The following MKNK1 variants were observed in gnomAD, a reference collection of about 807,000 sequenced individuals.
MKNK1 encodes MAPK interacting serine/threonine kinase 1, also known as MAP kinase-interacting serine/threonine-protein kinase 1.
A neutral mutation model predicts 49.3 loss-of-function variants in MKNK1; 30 were observed. The observed-to-expected ratio is 0.61, with a 90% CI of 0.46 to 0.83. The LOEUF (loss-of-function observed/expected upper bound fraction) is 0.83. Among genes scored for constraint, MKNK1 ranks in the 40% least tolerant of loss-of-function variants. MKNK1 has a pLI of 0.00. For missense variants in MKNK1, 423 were observed against 524.7 expected, an observed-to-expected ratio of 0.81 and a Z score of 1.89; for synonymous variants, 176 against 201.7, an observed-to-expected ratio of 0.87 and a Z score of 1.08.
At chr1:46,577,854 A>C (rs1213730439) in intron 4 of MKNK1, among the ~76,000 whole-genome samples, 3 of 152,278 alleles carry the variant, frequency 2.0e-5, no homozygotes, top group Non-Finnish European at 4.4e-5. Context: ...CCTGTGAGCA[A>C]ATCTGCAGAG....
intron 6 of MKNK1, chr1:46,574,148 GA>G (rs943437855): frequency 2.0e-5 from 3 of 152,208 alleles, no homozygotes; most frequent in African/African-American, 7.2e-5. Context: ...CATTTCACAT[GA>G]ATTATCTCAT....
At chr1:46,573,621 T>G (rs1670525466) in intron 6 of MKNK1, 1 of 152,124 alleles carries the variant, frequency 6.6e-6, no homozygotes. Context: ...CCCAATGTGC[T>G]AGGGAACATT....
intron 7 of MKNK1, among the ~76,000 whole-genome samples, chr1:46,570,997 G>A (rs1557845431): frequency 1.3e-5 from 2 of 152,158 alleles, no homozygotes; most frequent in African/African-American, 4.8e-5. Context: ...AGAACACATA[G>A]CTAGAAGAAA....
At chr1:46,582,842 G>A in intron 3 of MKNK1, 2 of 469,180 alleles carry the variant, frequency 4.3e-6, no homozygotes, top group Non-Finnish European at 8.5e-6. Context: ...TTGCGGCCAT[G>A]GCCTTTGGTG....
intron 2 of MKNK1, among the ~76,000 whole-genome samples, chr1:46,587,599 C>T (rs1280605450): frequency 2.0e-5 from 3 of 152,274 alleles, no homozygotes; most frequent in African/African-American, 4.8e-5. Flanking sequence ...AGGCAGATCA[C>T]CTGAGGTTGG....
intron 1 of MKNK1, 30 bp downstream of exon 1, chr1:46,604,155 G>C (rs1377917279): frequency 4.6e-5 from 7 of 152,258 alleles, no homozygotes; most frequent in Non-Finnish European, 1.5e-5. Flanking sequence ...CATTTAGCTC[G>C]GAGGAATACC....
intron 7 of MKNK1, chr1:46,571,478 G>T (rs756440954): frequency 3.5e-5 from 14 of 396,768 alleles, no homozygotes; most frequent in South Asian, 2.5e-4. Context: ...GGGAGGTTGG[G>T]GCTGCAGTGA....
chr1:46,597,982 G>A (rs1037204961), intron 1 of MKNK1, among the ~76,000 whole-genome samples: 39 of 152,204 alleles, frequency 2.6e-4, no homozygotes, highest in South Asian at 4.1e-4. Context: ...CTGTTTAGCC[G>A]GGAGAAGAGA....
chr1:46,599,964 TTC>T (rs1674528743), intron 1 of MKNK1, among the ~76,000 whole-genome samples: 9 of 152,060 alleles, frequency 5.9e-5, no homozygotes. Context: ...GGCTTACTTC[TTC>T]TCCTCACCAA....
intron 8 of MKNK1, among the ~76,000 whole-genome samples, chr1:46,567,435 A>G (rs569003071): frequency 6.6e-6 from 1 of 152,356 alleles, no homozygotes; most frequent in East Asian, 1.9e-4. Context: ...CATAAACACT[A>G]AATAAATATA....
intron 5 of MKNK1, 159 bp downstream of exon 5, chr1:46,576,416 C>T (rs898568766): frequency 8.2e-6 from 5 of 607,962 alleles, no homozygotes; most frequent in Non-Finnish European, 5.9e-6. Flanking sequence ...GCTGCTTTTC[C>T]TTTCTCTCCC....
Position 46,562,783 on chromosome 1 carries a change from A to C in MKNK1, c.670T>G (p.Phe224Val), listed in dbSNP as rs969102813. Residue 224 changes from phenylalanine to valine, a missense_variant, in exon 10 of 13, where the codon TTC becomes GTC. Physicochemically the swap from Phe to Val is conservative, Grantham distance 50. Transcript: ENST00000371945. ...CACAGGTCACAGCGCTTGTCGTAGA[A>C]TGTGGCCTGGTCCGTGAAGACCTCC... is the stretch of plus-strand genomic sequence containing the variant. ...VVEVFTDQAT[F>V]YDKRCDLWSL... 1 of 1,612,448 alleles carries C rather than the reference A, an allele frequency of 6.2e-7. No homozygotes were observed. Among genetic ancestry groups the C allele is most frequent in the African/African-American group, 1.3e-5 (1 of 74,888 alleles).
intron 8 of MKNK1, among the ~76,000 whole-genome samples, chr1:46,567,385 A>G (rs550616572): frequency 2.0e-5 from 3 of 152,352 alleles, no homozygotes; most frequent in African/African-American, 7.2e-5. Context: ...TTCCTCGTCC[A>G]TAAAATGAAG....
intron 2 of MKNK1, among the ~76,000 whole-genome samples, chr1:46,586,462 T>C (rs1672585612): frequency 1.3e-5 from 2 of 152,190 alleles, no homozygotes; most frequent in Non-Finnish European, 2.9e-5. Context: ...GCACTGATTT[T>C]ATTTGGCCTT....
chr1:46,564,260 C>T (rs1668599909), intron 9 of MKNK1, among the ~76,000 whole-genome samples: 1 of 151,792 alleles, frequency 6.6e-6, no homozygotes, highest in South Asian at 2.1e-4. Context: ...TGAGACCTCA[C>T]AGTTCCCACC....
chr1:46,567,179 G>A (rs1423738742), intron 8 of MKNK1, among the ~76,000 whole-genome samples: 5 of 152,196 alleles, frequency 3.3e-5, no homozygotes, highest in African/African-American at 1.2e-4. Context: ...CTGGCCTCAA[G>A]GGATCCTCCT....
Position 46,560,265 on chromosome 1 carries a change from T to C in MKNK1, c.982A>G (p.Lys328Glu). ...AGGACTTGCGGCGTGGGGAGTCCCTTTTCTGGAGCTTGCTAGAATGGGAAG... is the reference window on the plus strand; with the variant it reads ...AGGACTTGCGGCGTGGGGAGTCCCTCTTCTGGAGCTTGCTAGAATGGGAAG... ...HPWVQGQAPE[K>E]GLPTPQVLQR... The change falls in exon 12 of 13, where the codon AAG becomes GAG. Residue 328 changes from lysine to glutamate, a missense_variant. Physicochemically the swap from Lys to Glu is moderately conservative, Grantham distance 56. Coordinates refer to ENST00000371945, the MANE Select transcript of MKNK1 (RefSeq NM_001135553.4). 1 of 1,614,112 alleles carries C rather than the reference T, an allele frequency of 6.2e-7. No individual in the cohort carries two copies. Among genetic ancestry groups the C allele is most frequent in the Non-Finnish European group, 8.5e-7 (1 of 1,179,992 alleles).
At chr1:46,582,589 T>G (rs1189593660) in intron 3 of MKNK1, among the ~76,000 whole-genome samples, 1 of 152,030 alleles carries the variant, frequency 6.6e-6, no homozygotes, top group African/African-American at 2.4e-5. Context: ...CTCCTAGGAG[T>G]AGCTACTGAT....
In MKNK1 at chr1:46,575,248, C is replaced by T. The variant is rs531741629; in HGVS notation, c.279-228G>A. 80 of 477,726 alleles carry T rather than the reference C, an allele frequency of 1.7e-4. 1 individual carries two copies. The highest frequency in any genetic ancestry group is 1.4e-3 in the African/African-American group (73 of 50,974). 29.6% of individuals were successfully genotyped at this position (477,726 alleles called of 1,614,324 possible). A position where few individuals can be genotyped will look rare whatever the true frequency, so the allele number is the denominator to read the frequency against. Reference sequence around the variant, plus strand: ...TAATGTTTAGTCTCTGGTGTTTTCACCAAGTCTGTGCTGTCAAACCCCAGC... The same window carrying T: ...TAATGTTTAGTCTCTGGTGTTTTCATCAAGTCTGTGCTGTCAAACCCCAGC... On this transcript the variant is annotated intron_variant, in intron 5 of 12. Coordinates refer to ENST00000371945, the MANE Select transcript of MKNK1 (RefSeq NM_001135553.4).
Sources: allele counts gnomAD v4.1 joint callset (sites outside exome capture counted in the v4.1 genomes callset), GRCh38; gene constraint gnomAD v4.1.1; transcripts MANE v1.5; gene names NCBI Gene and HGNC (gene_info 2026-07-23, HGNC 2026-07-21).